MAP2: variants seen among roughly 807,000 people sequenced by gnomAD.
The protein encoded by MAP2 is microtubule-associated protein 2.
In MAP2, 14 loss-of-function variants were observed where a neutral mutation model predicts 137.6. The ratio of observed to expected loss-of-function variants is 0.10; its 90% CI spans 0.07 to 0.16. The LOEUF (loss-of-function observed/expected upper bound fraction) is 0.16. Among genes scored for constraint, MAP2 ranks in the 10% least tolerant of loss-of-function variants. The probability of loss-of-function intolerance (pLI) is 1.00; values close to 1 mark genes in which losing one functional copy is unlikely to be tolerated. For synonymous variants in MAP2, 786 were observed against 782.3 expected (o/e 1.00, Z -0.08); for missense variants, 2,088 against 2,191.5 (o/e 0.95, Z 0.94).
At chr2:209,446,157 TCTTA>T (rs879849009) in intron 1 of MAP2, among the ~76,000 whole-genome samples, 1 of 151,810 alleles carries the variant, frequency 6.6e-6, no homozygotes, top group Admixed American at 6.6e-5. Context: ...TCATATAGTT[TCTTA>T]CTTTTTAAAA....
At chr2:209,509,954 T>C (rs906007121) in intron 2 of MAP2, among the ~76,000 whole-genome samples, 2 of 151,552 alleles carry the variant, frequency 1.3e-5, no homozygotes, top group Non-Finnish European at 3.0e-5. Context: ...TTGTAATGAA[T>C]AGCATCTTAG....
chr2:209,704,599 A>G (rs1195884386), intron 11 of MAP2: 1 of 1,603,736 alleles, frequency 6.2e-7, no homozygotes, highest in South Asian at 1.1e-5. Context: ...ACCGTTTGCC[A>G]TACTCAAAAT....
chr2:209,598,127 T>G (rs2081848578), intron 3 of MAP2, among the ~76,000 whole-genome samples: 1 of 152,146 alleles, frequency 6.6e-6, no homozygotes, highest in Non-Finnish European at 1.5e-5. Context: ...TGCCTCAGCC[T>G]CCCACGTAGC....
chr2:209,425,900 G>A (rs781405303), intron 1 of MAP2, among the ~76,000 whole-genome samples: 73 of 152,146 alleles, frequency 4.8e-4, no homozygotes, highest in Non-Finnish European at 9.3e-4. Context: ...CTTTAACCGG[G>A]CAATAGGTGT....
At chr2:209,435,926 ATATTATATATATAATATATACT>A in intron 1 of MAP2, among the ~76,000 whole-genome samples, 1 of 143,532 alleles carries the variant, frequency 7.0e-6, no homozygotes, top group East Asian at 2.0e-4. Context: ...CCAAATATAT[ATATTATATATATAATATATACT>A]ATATATACAG....
chr2:209,503,502 T>C (rs2060647568), intron 1 of MAP2, among the ~76,000 whole-genome samples: 1 of 152,108 alleles, frequency 6.6e-6, no homozygotes, highest in Non-Finnish European at 1.5e-5. Context: ...TCAAGAAGCT[T>C]ATTCCCTATG....
At chr2:209,433,016 C>T (rs1694739566) in intron 1 of MAP2, among the ~76,000 whole-genome samples, 1 of 152,062 alleles carries the variant, frequency 6.6e-6, no homozygotes, top group South Asian at 2.1e-4. Context: ...CTAGTGTGTC[C>T]TTTCTTAGAT....
At chr2:209,677,789 T>G (rs2153682198) in intron 5 of MAP2, among the ~76,000 whole-genome samples, 1 of 152,078 alleles carries the variant, frequency 6.6e-6, no homozygotes, top group Non-Finnish European at 1.5e-5. Context: ...CTAAGATGAT[T>G]TGATGTCATA....
At chr2:209,491,658 A>G (rs2059131465) in intron 1 of MAP2, among the ~76,000 whole-genome samples, 1 of 152,226 alleles carries the variant, frequency 6.6e-6, no homozygotes, top group Admixed American at 6.5e-5. Context: ...AGAGAATACT[A>G]TAAAACACCT....
intron 2 of MAP2, among the ~76,000 whole-genome samples, chr2:209,559,479 CAAAAAAAAAAAA>C (rs59788211): frequency 1.3e-4 from 5 of 37,544 alleles, no homozygotes; most frequent in Non-Finnish European, 2.8e-4. Flanking sequence ...GCCAAAAATA[CAAAAAAAAAAAA>C]AAAAAAAAAA....
At chr2:209,527,738 C>A (rs2064291329) in intron 2 of MAP2, among the ~76,000 whole-genome samples, 1 of 152,124 alleles carries the variant, frequency 6.6e-6, no homozygotes, top group African/African-American at 2.4e-5. Context: ...CCAGCACCAT[C>A]AGCATCACAT....
In MAP2 at chr2:209,425,067, T is replaced by G. The variant is rs1426665518; in HGVS notation, c.-222+791T>G. Among the ~76,000 whole-genome samples, 10 of 150,030 alleles carry G rather than the reference T, an allele frequency of 6.7e-5. No homozygotes were observed. In the East Asian group the frequency reaches 2.0e-3, roughly 30 times the overall value. On this transcript the variant is annotated intron_variant, in intron 1 of 15. Coordinates refer to ENST00000682079, the MANE Select transcript of MAP2 (RefSeq NM_001375505.1). ...GATGGAAATTTCAAGAAAGAGTGTG[T>G]GGGGGGCTAGGAGTGGGGAGCTGTA...
At chr2:209,520,567 C>A (rs1004969155) in intron 2 of MAP2, among the ~76,000 whole-genome samples, 1 of 151,924 alleles carries the variant, frequency 6.6e-6, no homozygotes, top group Admixed American at 6.6e-5. Flanking sequence ...AATATTATTT[C>A]ATATTATTTT....
intron 2 of MAP2, among the ~76,000 whole-genome samples, chr2:209,553,446 A>G (rs1299605239): frequency 1.3e-5 from 2 of 152,208 alleles, no homozygotes; most frequent in African/African-American, 2.4e-5. Flanking sequence ...ATGGAAATTT[A>G]AAAATTCCTG....
chr2:209,651,900 A>G (rs2094828274), intron 4 of MAP2, among the ~76,000 whole-genome samples: 1 of 152,182 alleles, frequency 6.6e-6, no homozygotes, highest in Non-Finnish European at 1.5e-5. Context: ...AACTTACTTT[A>G]TTTATACTTT....
At chr2:209,585,263 AAAAGC>A (rs1179226705) in intron 3 of MAP2, among the ~76,000 whole-genome samples, 1 of 152,058 alleles carries the variant, frequency 6.6e-6, no homozygotes, top group Non-Finnish European at 1.5e-5. Flanking sequence ...TTAAAAAAAA[AAAAGC>A]AAAGAAAGAA....
intron 2 of MAP2, among the ~76,000 whole-genome samples, chr2:209,512,838 C>G (rs1219190430): frequency 6.6e-6 from 1 of 152,006 alleles, no homozygotes; most frequent in Non-Finnish European, 1.5e-5. Context: ...TTTATACAGA[C>G]AGGGTCTCTC....
At chr2:209,540,497 G>A (rs751189188) in intron 2 of MAP2, among the ~76,000 whole-genome samples, 1 of 150,486 alleles carries the variant, frequency 6.6e-6, no homozygotes, top group Non-Finnish European at 1.5e-5. Context: ...CGAGCGTGGT[G>A]GCACGCGTCT....
At chr2:209,560,301 C>A (rs75608615) in intron 2 of MAP2, among the ~76,000 whole-genome samples, 3,000 of 152,168 alleles carry the variant, frequency 0.02, 96 homozygotes, top group African/African-American at 0.068. Flanking sequence ...ATAAAACATA[C>A]ATTTGTGATT....
Sources: gnomAD v4.1 joint callset for allele counts (sites outside exome capture counted in the v4.1 genomes callset) on GRCh38, gnomAD v4.1.1 for gene constraint, MANE v1.5 for transcripts, NCBI Gene and HGNC (gene_info 2026-07-23, HGNC 2026-07-21) for gene names.